KLHL29: variants seen among roughly 807,000 people sequenced by gnomAD.
KLHL29 encodes kelch-like protein 29.
A neutral mutation model predicts 80.4 loss-of-function variants in KLHL29; 21 were observed. The ratio of observed to expected loss-of-function variants is 0.26; its 90% CI spans 0.19 to 0.38. KLHL29 has a LOEUF of 0.38. KLHL29 is among the 10% of genes least tolerant of loss of function. The pLI is 1.00. For missense variants in KLHL29, 867 were observed against 1,223.9 expected (o/e 0.71, Z 4.35); for synonymous variants, 511 against 526.8 (o/e 0.97, Z 0.41).
chr2:23,445,366 T>C (rs1228484688), intron 1 of KLHL29, among the ~76,000 whole-genome samples: 7 of 152,336 alleles, frequency 4.6e-5, no homozygotes, highest in Non-Finnish European at 1.0e-4. Flanking sequence ...AGCAGCAGCA[T>C]GTCCTCTATA....
At chr2:23,524,955 T>C (rs1357925015) in intron 2 of KLHL29, among the ~76,000 whole-genome samples, 1 of 152,246 alleles carries the variant, frequency 6.6e-6, no homozygotes, top group African/African-American at 2.4e-5. Context: ...TCTCAGACTT[T>C]GGTTCTCAGC....
chr2:23,412,122 A>AGGGGGGGGGGGGGGG (rs33951812), intron 1 of KLHL29, among the ~76,000 whole-genome samples: 1 of 118,716 alleles, frequency 8.4e-6, no homozygotes, highest in African/African-American at 3.3e-5. Flanking sequence ...GTGTGCGTGA[A>AGGGGGGGGGGGGGGG]GGGGGGGGGG....
intron 3 of KLHL29, among the ~76,000 whole-genome samples, chr2:23,603,904 C>T (rs1668636211): frequency 6.6e-6 from 1 of 152,224 alleles, no homozygotes; most frequent in Admixed American, 6.5e-5. Flanking sequence ...GTCCCCGTCT[C>T]CTCCAGAGGG....
At position 23,570,342 on chromosome 2, in the gene KLHL29, G is replaced by A. The variant is rs13414097; in HGVS notation, c.285+7861G>A. Among the ~76,000 whole-genome samples, 1,178 of 152,314 alleles carry A rather than the reference G, an allele frequency of 7.7e-3. 19 individuals carry two copies. The highest frequency in any genetic ancestry group is 0.027 in the African/African-American group (1,120 of 41,562). On this transcript the variant is annotated intron_variant, in intron 3 of 13. Coordinates refer to ENST00000486442, the MANE Select transcript of KLHL29 (RefSeq NM_052920.2). ...GGAGTCCCGGGAGCTGGGGAATGGC[G>A]CGAGGTGCACGTCTCAATAGCAGAA...
At chr2:23,497,411 C>T (rs1665301156) in intron 2 of KLHL29, among the ~76,000 whole-genome samples, 1 of 152,110 alleles carries the variant, frequency 6.6e-6, no homozygotes, top group Non-Finnish European at 1.5e-5. Flanking sequence ...TGCACGTGCT[C>T]TGGAGTTCCA....
At chr2:23,630,198 GGTT>G (rs1669434175) in intron 3 of KLHL29, among the ~76,000 whole-genome samples, 1 of 152,240 alleles carries the variant, frequency 6.6e-6, no homozygotes, top group African/African-American at 2.4e-5. Flanking sequence ...GTGCTGGCAG[GGTT>G]GGAGCAGGAG....
chr2:23,389,871 C>T (rs181821668), intron 1 of KLHL29, among the ~76,000 whole-genome samples: 7 of 152,242 alleles, frequency 4.6e-5, no homozygotes, highest in Admixed American at 6.5e-5. Context: ...CTGGGGTCAT[C>T]GCCTGATGTG....
chr2:23,598,320 G>T (rs1380814656), intron 3 of KLHL29, among the ~76,000 whole-genome samples: 1 of 152,234 alleles, frequency 6.6e-6, no homozygotes, highest in African/African-American at 2.4e-5. Context: ...AACTGATCTT[G>T]CAAGATGTTG....
At position 23,457,043 on chromosome 2, in the gene KLHL29, G is replaced by T. The variant is rs146469914; in HGVS notation, c.-153-18517G>T. 1.2e-4 allele frequency among the ~76,000 whole-genome samples: 18 copies of T among 152,344 alleles called. No individual in the cohort carries two copies. The highest frequency in any genetic ancestry group is 4.3e-4 in the African/African-American group (18 of 41,584). ...TGTCAGGGCCGGAGCAGCAGAGGTC[G>T]AGGCCTTCCGAGGCCCCTCCCCAGG... On this transcript the variant is annotated intron_variant, in intron 1 of 13. Transcript: ENST00000486442. This position sits in a 1 kb window ranked among gnomAD's most constrained non-coding sequence, Gnocchi z 4.3.
intron 3 of KLHL29, among the ~76,000 whole-genome samples, chr2:23,573,033 C>T (rs908516254): frequency 1.6e-4 from 24 of 147,982 alleles, no homozygotes; most frequent in Middle Eastern, 3.4e-3. Context: ...ATGATGAAGA[C>T]GTAACCCCGT....
chr2:23,459,803 TAA>T (rs1031424303), intron 1 of KLHL29, among the ~76,000 whole-genome samples: 8 of 152,130 alleles, frequency 5.3e-5, no homozygotes, highest in Admixed American at 3.9e-4. Context: ...GCACACAAGA[TAA>T]AGAGTGGAAA....
chr2:23,482,891 C>T (rs1323763644), intron 2 of KLHL29, among the ~76,000 whole-genome samples: 1 of 152,060 alleles, frequency 6.6e-6, no homozygotes, highest in East Asian at 1.9e-4. Flanking sequence ...CTGGTAGTCA[C>T]ATTGTACATT....
intron 3 of KLHL29, among the ~76,000 whole-genome samples, chr2:23,632,025 G>T (rs1028320779): frequency 1.3e-5 from 2 of 152,118 alleles, no homozygotes; most frequent in Non-Finnish European, 2.9e-5. Context: ...GCACATTTTT[G>T]GGTCCCTCGC....
chr2:23,570,195 C>G (rs916041663), intron 3 of KLHL29, among the ~76,000 whole-genome samples: 1 of 152,236 alleles, frequency 6.6e-6, no homozygotes, highest in Non-Finnish European at 1.5e-5. Flanking sequence ...TGTATGCACT[C>G]AGAGACTGCT....
At chr2:23,511,227 A>G (rs1665764123) in intron 2 of KLHL29, among the ~76,000 whole-genome samples, 1 of 152,178 alleles carries the variant, frequency 6.6e-6, no homozygotes. Context: ...TGACATTTAA[A>G]TAAACTAAAT....
chr2:23,473,184 G>A (rs551820392), intron 1 of KLHL29, among the ~76,000 whole-genome samples: 1 of 152,250 alleles, frequency 6.6e-6, no homozygotes, highest in East Asian at 1.9e-4. Flanking sequence ...GGGGAGCAGG[G>A]GAACCAACAG....
chr2:23,470,500 G>T (rs1664468521), intron 1 of KLHL29, among the ~76,000 whole-genome samples: 1 of 152,116 alleles, frequency 6.6e-6, no homozygotes, highest in African/African-American at 2.4e-5. Flanking sequence ...GTAAAATGAG[G>T]ATTACAAAAG....
At position 23,695,111 on chromosome 2, in the gene KLHL29, G is replaced by T. The variant is rs1366108899; in HGVS notation, c.1543-512G>T. ...GACAGTTTGAGGCCGTGGGACATGG[G>T]ACACCACTGAAAGTTTTCGGTGCTG... is the stretch of plus-strand genomic sequence containing the variant. On this transcript the variant is annotated intron_variant, in intron 8 of 13. Coordinates refer to ENST00000486442, the MANE Select transcript of KLHL29 (RefSeq NM_052920.2). The surrounding 1 kb of genome is among the most constrained non-coding windows in gnomAD (Gnocchi z 7.6). 6.6e-6 allele frequency among the ~76,000 whole-genome samples: 1 copy of T among 152,142 alleles called. No individual in the cohort carries two copies. The highest frequency in any genetic ancestry group is 2.4e-5 in the African/African-American group (1 of 41,410).
intron 5 of KLHL29, among the ~76,000 whole-genome samples, chr2:23,674,665 G>A (rs988729890): frequency 6.6e-6 from 1 of 152,160 alleles, no homozygotes. Flanking sequence ...GGAGGGCTAT[G>A]AGCACAGGAG....
Sources: gnomAD v4.1 joint callset for allele counts (sites outside exome capture counted in the v4.1 genomes callset) on GRCh38, gnomAD v4.1.1 for gene constraint, Gnocchi (gnomAD v3.1) non-coding constraint, MANE v1.5 for transcripts, NCBI Gene and HGNC (gene_info 2026-07-23, HGNC 2026-07-21) for gene names.